PLEKHA7: variants seen among roughly 807,000 people sequenced by gnomAD.
The protein encoded by PLEKHA7 is pleckstrin homology domain-containing family A member 7.
A neutral mutation model predicts 170.0 loss-of-function variants in PLEKHA7; 104 were observed. That is an observed-to-expected ratio of 0.61 (90% CI 0.52 to 0.72). The LOEUF (loss-of-function observed/expected upper bound fraction) is 0.72, where lower values mean the gene tolerates loss of function less well. Ranked by LOEUF, PLEKHA7 falls within the 30% of genes least tolerant of loss-of-function variation. PLEKHA7 has a pLI of 0.00. For missense variants in PLEKHA7, 1,615 were observed against 1,671.7 expected (o/e 0.97, Z 0.59); for synonymous variants, 648 against 660.8 (o/e 0.98, Z 0.30).
chr11:17,010,081 T>A (rs761971764), intron 3 of PLEKHA7, among the ~76,000 whole-genome samples: 7 of 152,146 alleles, frequency 4.6e-5, no homozygotes, highest in Non-Finnish European at 4.4e-5. Flanking sequence ...CCTCAAGCTT[T>A]TCTGCTTCAA....
At chr11:16,801,164 C>G in intron 16 of PLEKHA7, 89 bp from the exon 17 acceptor site, 1 of 1,135,100 alleles carries the variant, frequency 8.8e-7, no homozygotes, top group Non-Finnish European at 1.3e-6. Flanking sequence ...ACCATGCTGA[C>G]CCAGCCAGGG....
chr11:16,889,089 A>G (rs1320993919), intron 3 of PLEKHA7, among the ~76,000 whole-genome samples: 2 of 151,906 alleles, frequency 1.3e-5, no homozygotes, highest in Non-Finnish European at 2.9e-5. Flanking sequence ...CCACAAAAGA[A>G]GTAAAACAGC....
intron 13 of PLEKHA7, among the ~76,000 whole-genome samples, chr11:16,806,489 C>T (rs1037256160): frequency 3.9e-5 from 6 of 152,192 alleles, no homozygotes; most frequent in Admixed American, 3.9e-4. Flanking sequence ...GAATCAAAGG[C>T]CACCCAGGCA....
chr11:16,916,063 T>C (rs1018874715), intron 3 of PLEKHA7, among the ~76,000 whole-genome samples: 2 of 151,550 alleles, frequency 1.3e-5, no homozygotes, highest in Admixed American at 6.6e-5. Flanking sequence ...TTCTAACTGG[T>C]GTGAGATGGT....
chr11:16,858,618 G>A (rs930190579), intron 4 of PLEKHA7, among the ~76,000 whole-genome samples: 2 of 151,472 alleles, frequency 1.3e-5, no homozygotes, highest in African/African-American at 2.4e-5. Flanking sequence ...TCAGCCTACC[G>A]AGTAGCTGGG....
chr11:16,992,657 G>A (rs933696099), intron 3 of PLEKHA7, among the ~76,000 whole-genome samples: 5 of 151,768 alleles, frequency 3.3e-5, no homozygotes, highest in Non-Finnish European at 7.4e-5. Context: ...ATGGGAGGCA[G>A]AGGCAGGAGA....
At chr11:16,946,188 A>C (rs534460728) in intron 3 of PLEKHA7, among the ~76,000 whole-genome samples, 1 of 152,250 alleles carries the variant, frequency 6.6e-6, no homozygotes, top group East Asian at 1.9e-4. Flanking sequence ...CCTGCTAGAG[A>C]CCTAAAGGTG....
At chr11:16,998,556 A>C (rs1172078343) in intron 3 of PLEKHA7, among the ~76,000 whole-genome samples, 2 of 152,198 alleles carry the variant, frequency 1.3e-5, no homozygotes, top group African/African-American at 4.8e-5. Context: ...AAAAGAATTA[A>C]TATCCCCTCT....
At chr11:16,918,664 G>A (rs985508909) in intron 3 of PLEKHA7, among the ~76,000 whole-genome samples, 1 of 152,188 alleles carries the variant, frequency 6.6e-6, no homozygotes, top group Non-Finnish European at 1.5e-5. Context: ...TCCATTAGGA[G>A]GAAGTGTAAA....
chr11:16,909,755 C>G (rs533557599), intron 3 of PLEKHA7, among the ~76,000 whole-genome samples: 2 of 152,328 alleles, frequency 1.3e-5, no homozygotes, highest in East Asian at 1.9e-4. Context: ...TTTTTGCAGC[C>G]TGATGCTTGC....
intron 3 of PLEKHA7, among the ~76,000 whole-genome samples, chr11:16,920,768 C>T (rs1457150489): frequency 1.3e-5 from 2 of 152,182 alleles, no homozygotes; most frequent in African/African-American, 2.4e-5. Flanking sequence ...GCTACAGGAG[C>T]AGAGTGCACA....
chr11:16,935,004 G>A (rs1009729656), intron 3 of PLEKHA7, among the ~76,000 whole-genome samples: 1 of 152,162 alleles, frequency 6.6e-6, no homozygotes. Flanking sequence ...CATGTGAATG[G>A]GCGATTTTCT....
chr11:16,849,295 T>C (rs1243284025), intron 8 of PLEKHA7, among the ~76,000 whole-genome samples: 3 of 152,226 alleles, frequency 2.0e-5, no homozygotes, highest in Middle Eastern at 3.2e-3. Context: ...AAATTATATA[T>C]ATAGTTATGA....
chr11:16,846,742 T>C (rs1164509376), intron 8 of PLEKHA7, among the ~76,000 whole-genome samples: 1 of 152,160 alleles, frequency 6.6e-6, no homozygotes, highest in Non-Finnish European at 1.5e-5. Context: ...TATAGGGAAC[T>C]AAATACAAAA....
chr11:16,782,056 G>A (rs1432397998), intron 26 of PLEKHA7, among the ~76,000 whole-genome samples: 1 of 152,054 alleles, frequency 6.6e-6, no homozygotes, highest in East Asian at 1.9e-4. Context: ...CTGAGAGAAA[G>A]AGCAGCCCTT....
intron 3 of PLEKHA7, among the ~76,000 whole-genome samples, chr11:16,926,455 T>G (rs537913056): frequency 6.6e-6 from 1 of 152,222 alleles, no homozygotes; most frequent in Non-Finnish European, 1.5e-5. Context: ...GGTTAGTATA[T>G]GCCAGGAGCA....
At chr11:16,841,172 A>T (rs1042229301) in intron 9 of PLEKHA7, among the ~76,000 whole-genome samples, 1 of 152,210 alleles carries the variant, frequency 6.6e-6, no homozygotes, top group African/African-American at 2.4e-5. Flanking sequence ...ACTATTTCAG[A>T]GAGGGAGCAA....
intron 4 of PLEKHA7, 45 bp from the exon 5 acceptor site, chr11:16,855,959 G>A (rs767817722): frequency 8.8e-6 from 13 of 1,473,978 alleles, no homozygotes; most frequent in Non-Finnish European, 1.2e-5. Flanking sequence ...CCGAGCTATA[G>A]AGTAGGAAGT....
At chr11:16,892,435 T>TGTGTGTGTGTGTGTGTGTGTGTGTGTGTG (rs1554964897) in intron 3 of PLEKHA7, among the ~76,000 whole-genome samples, 120 of 98,274 alleles carry the variant, frequency 1.2e-3, no homozygotes, top group Non-Finnish European at 1.8e-3. Flanking sequence ...TGTGTGTGTG[T>TGTGTGTGTGTGTGTGTGTGTGTGTGTGTG]TTTGTTTTGT....
Sources: allele counts gnomAD v4.1 joint callset (sites outside exome capture counted in the v4.1 genomes callset), GRCh38; gene constraint gnomAD v4.1.1; transcripts MANE v1.5; gene names NCBI Gene and HGNC (gene_info 2026-07-23, HGNC 2026-07-21).